The following SPATA6L variants were observed in gnomAD, a reference collection of about 807,000 sequenced individuals.
SPATA6L encodes spermatogenesis associated 6 like.
SPATA6L carries 68 observed loss-of-function variants against 49.2 expected under a neutral mutation model. That is an observed-to-expected ratio of 1.38 (90% CI 1.14 to 1.69). SPATA6L has a LOEUF of 1.69. SPATA6L is among the 40% of genes most tolerant of loss of function. The pLI is 0.00. For synonymous variants in SPATA6L, 198 were observed against 165.7 expected, an observed-to-expected ratio of 1.19 and a Z score of -1.50; for missense variants, 668 against 464.3, an observed-to-expected ratio of 1.44 and a Z score of -4.03.
chr9:4,606,316 T>G (rs1477173071), intron 9 of SPATA6L, among the ~76,000 whole-genome samples: 1 of 142,954 alleles, frequency 7.0e-6, no homozygotes, highest in African/African-American at 2.7e-5. Context: ...GAGGCCTGCC[T>G]GCCTCTGTAG....
chr9:4,639,204 C>T (rs1833513328), intron 3 of SPATA6L, among the ~76,000 whole-genome samples: 1 of 152,188 alleles, frequency 6.6e-6, no homozygotes, highest in Non-Finnish European at 1.5e-5. Context: ...CCCAGAACTG[C>T]TTTGGTTTCT....
chr9:4,606,114 A>G (rs912915414), intron 9 of SPATA6L, among the ~76,000 whole-genome samples: 3 of 152,018 alleles, frequency 2.0e-5, no homozygotes, highest in Non-Finnish European at 2.9e-5. Flanking sequence ...GGGCTTAAAA[A>G]ATGGCGCACC....
At chr9:4,595,391 T>C (rs1822178792), downstream of SPATA6L, among the ~76,000 whole-genome samples, 1 of 152,106 alleles carries the variant, frequency 6.6e-6, no homozygotes, top group Non-Finnish European at 1.5e-5. Flanking sequence ...TTCAAAGGCT[T>C]TGTCAGAGTC....
At chr9:4,601,485 G>C (rs1285350338) in intron 11 of SPATA6L, among the ~76,000 whole-genome samples, 1 of 152,000 alleles carries the variant, frequency 6.6e-6, no homozygotes, top group Non-Finnish European at 1.5e-5. Flanking sequence ...AAAAGATCCA[G>C]AAATAGATGT....
chr9:4,648,268 C>G (rs1354108751), intron 3 of SPATA6L, among the ~76,000 whole-genome samples: 2 of 152,132 alleles, frequency 1.3e-5, no homozygotes, highest in Non-Finnish European at 2.9e-5. Flanking sequence ...TTTAGGCTTT[C>G]AAAATGAGAG....
At chr9:4,606,220 G>A (rs375389350) in intron 9 of SPATA6L, among the ~76,000 whole-genome samples, 154 of 148,408 alleles carry the variant, frequency 1.0e-3, no homozygotes, top group South Asian at 0.01. Context: ...CGAGGCTGGG[G>A]GAGGGGCGCC....
intron 3 of SPATA6L, among the ~76,000 whole-genome samples, chr9:4,645,416 T>G (rs1289048776): frequency 6.6e-6 from 1 of 152,168 alleles, no homozygotes; most frequent in Non-Finnish European, 1.5e-5. Flanking sequence ...AGTCCATGGT[T>G]GAGGGGCTGT....
intron 7 of SPATA6L, among the ~76,000 whole-genome samples, chr9:4,620,912 T>G (rs1286215635): frequency 6.6e-6 from 1 of 152,208 alleles, no homozygotes. Context: ...GATTTTCAAC[T>G]CAAAGAACTT....
chr9:4,624,990 C>G (rs1354418964), intron 6 of SPATA6L, among the ~76,000 whole-genome samples: 1 of 152,062 alleles, frequency 6.6e-6, no homozygotes, highest in East Asian at 1.9e-4. Flanking sequence ...GTGTGCCAAC[C>G]TTCATTATGC....
rs1840829992 is a variant in SPATA6L, at chr9:4,666,155, T to C, written c.39+57A>G. 14 of 1,574,394 alleles carry C rather than the reference T, an allele frequency of 8.9e-6. No homozygotes were observed. In the South Asian group the frequency reaches 1.6e-4, roughly 17 times the overall value. ...TGGGGGAGGGTTGTTGAAAACCACC[T>C]GAGACTATTTAGAGTCCGACTTGAG... is the stretch of plus-strand genomic sequence containing the variant. On this transcript the variant is annotated intron_variant, in intron 1 of 11. Coordinates refer to ENST00000682582, the MANE Select transcript of SPATA6L (RefSeq NM_001353486.2).
At chr9:4,618,141 A>C in intron 8 of SPATA6L, 31 bp from the exon 9 acceptor site, 1 of 1,558,608 alleles carries the variant, frequency 6.4e-7, no homozygotes, top group Non-Finnish European at 8.7e-7. Flanking sequence ...TTTAGTTGTA[A>C]TTTTGCTTCT....
In SPATA6L at chr9:4,623,294, T is replaced by A. The variant is rs558841736; in HGVS notation, c.670-784A>T. Among the ~76,000 whole-genome samples, 5 of 151,680 alleles carry A rather than the reference T, an allele frequency of 3.3e-5. No individual in the cohort carries two copies. The South Asian group carries it at 8.3e-4, about 25-fold the overall frequency. On this transcript the variant is annotated intron_variant, in intron 6 of 11. Transcript: ENST00000682582. ...AAACTCCGTCTCAAAAAAATAATAA[T>A]AATAAATAATAATAATAATAGCAAC...
chr9:4,652,639 C>T (rs1049308768), intron 3 of SPATA6L, among the ~76,000 whole-genome samples: 3 of 151,594 alleles, frequency 2.0e-5, no homozygotes, highest in Admixed American at 6.6e-5. Context: ...CACCTGAGTT[C>T]GAGACCAGTC....
intron 13 of SPATA6L, among the ~76,000 whole-genome samples, chr9:4,591,290 C>A (rs968988403): frequency 6.6e-6 from 1 of 152,088 alleles, no homozygotes; most frequent in Admixed American, 6.5e-5. Flanking sequence ...TTTAAAGAGC[C>A]CTTGTGTTGT....
chr9:4,648,478 T>G (rs1835960182), intron 3 of SPATA6L, among the ~76,000 whole-genome samples: 1 of 151,938 alleles, frequency 6.6e-6, no homozygotes, highest in Admixed American at 6.6e-5. Flanking sequence ...GGCGGGCGGA[T>G]CACAAGGTCA....
intron 2 of SPATA6L, among the ~76,000 whole-genome samples, chr9:4,661,329 A>G (rs764820498): frequency 6.6e-5 from 10 of 152,294 alleles, no homozygotes; most frequent in African/African-American, 1.4e-4. Context: ...TTCTATGAAT[A>G]GTTTAGTGTG....
chr9:4,618,744 T>C, intron 8 of SPATA6L, 120 bp downstream of exon 8: 2 of 935,552 alleles, frequency 2.1e-6, no homozygotes, highest in South Asian at 3.1e-5. Flanking sequence ...AACACTAAAC[T>C]ACAGCAATTC....
At chr9:4,660,540 G>A (rs1427458002) in intron 2 of SPATA6L, among the ~76,000 whole-genome samples, 1 of 152,214 alleles carries the variant, frequency 6.6e-6, no homozygotes, top group Non-Finnish European at 1.5e-5. Flanking sequence ...AACAGGTGCT[G>A]GAGAGAATGT....
intron 4 of SPATA6L, chr9:4,633,773 C>T (rs1832165286): frequency 6.6e-6 from 1 of 152,186 alleles, no homozygotes; most frequent in East Asian, 1.9e-4. Context: ...AAAAATAAAA[C>T]TTTTTGAGTA....
Sources: allele counts gnomAD v4.1 joint callset (sites outside exome capture counted in the v4.1 genomes callset), GRCh38; gene constraint gnomAD v4.1.1; transcripts MANE v1.5; gene names NCBI Gene and HGNC (gene_info 2026-07-23, HGNC 2026-07-21).